The following ANO1 variants were observed in gnomAD, a reference collection of about 807,000 sequenced individuals.
ANO1 encodes anoctamin-1.
Under a neutral mutation model 124.0 loss-of-function variants are expected in ANO1, and 59 were observed. The ratio of observed to expected loss-of-function variants is 0.48; its 90% confidence interval spans 0.39 to 0.59. The LOEUF is 0.59. Among genes scored for constraint, ANO1 ranks in the 20% least tolerant of loss-of-function variants. ANO1 has a pLI of 0.00. For synonymous variants in ANO1, 529 were observed against 532.0 expected, an observed-to-expected ratio of 0.99 and a Z score of 0.08; for missense variants, 1,059 against 1,328.0, an observed-to-expected ratio of 0.80 and a Z score of 3.15.
At chr11:70,158,984 C>G (rs2047937611) in intron 16 of ANO1, among the ~76,000 whole-genome samples, 1 of 152,118 alleles carries the variant, frequency 6.6e-6, no homozygotes, top group Non-Finnish European at 1.5e-5. Flanking sequence ...CCCCATCCCT[C>G]ACCCAGGGGA....
At chr11:70,091,770 G>T (rs1204157447) in intron 2 of ANO1, among the ~76,000 whole-genome samples, 1 of 152,178 alleles carries the variant, frequency 6.6e-6, no homozygotes, top group Non-Finnish European at 1.5e-5. Flanking sequence ...TGTCACTCCT[G>T]GGCAAAGTGT....
chr11:69,972,695 G>A, the ANO1 span, among the ~76,000 whole-genome samples: 2 of 152,004 alleles, frequency 1.3e-5, no homozygotes, highest in African/African-American at 2.4e-5. Flanking sequence ...GAAGACTCAG[G>A]TCCTTACCCT....
At chr11:70,090,473 T>A (rs2044585471) in intron 2 of ANO1, among the ~76,000 whole-genome samples, 1 of 152,158 alleles carries the variant, frequency 6.6e-6, no homozygotes. Context: ...TTTCCCCATT[T>A]GTAAAATGGA....
chr11:69,972,062 A>AAAATAAATAAATAAAT, the ANO1 span, among the ~76,000 whole-genome samples: 1 of 149,320 alleles, frequency 6.7e-6, no homozygotes, highest in Non-Finnish European at 1.5e-5. Context: ...CTCTACTAAA[A>AAAATAAATAAATAAAT]AAATAAATAA....
intron 22 of ANO1, among the ~76,000 whole-genome samples, chr11:70,175,593 C>T (rs1171308770): frequency 2.0e-5 from 3 of 152,210 alleles, no homozygotes; most frequent in East Asian, 1.9e-4. Context: ...GCCCTGGTTT[C>T]GACTTCCTGT....
At chr11:70,088,669 G>T (rs973309035) in intron 2 of ANO1, among the ~76,000 whole-genome samples, 8 of 152,204 alleles carry the variant, frequency 5.3e-5, no homozygotes, top group Admixed American at 1.3e-4. Context: ...TCACAGCCAT[G>T]ACCTTCAGAG....
intron 1 of ANO1, among the ~76,000 whole-genome samples, chr11:70,051,019 A>G (rs7925636): frequency 0.086 from 13,031 of 152,254 alleles, 829 homozygotes; most frequent in African/African-American, 0.15. Context: ...TTTCAGAGCA[A>G]ACAGTTTTTA....
chr11:70,092,592 G>A (rs1252467104), intron 2 of ANO1, among the ~76,000 whole-genome samples: 1 of 152,206 alleles, frequency 6.6e-6, no homozygotes, highest in Non-Finnish European at 1.5e-5. Context: ...GCTGGTCTGG[G>A]GGACCCAGCA....
chr11:70,041,596 G>A (rs576500061), intron 1 of ANO1, among the ~76,000 whole-genome samples: 11 of 152,226 alleles, frequency 7.2e-5, no homozygotes, highest in African/African-American at 2.4e-4. Context: ...AACAACAGCA[G>A]CAACATAATA....
At chr11:69,987,645 C>T (rs1355071981) in intron 1 of ANO1, among the ~76,000 whole-genome samples, 3 of 147,424 alleles carry the variant, frequency 2.0e-5, no homozygotes, top group African/African-American at 7.6e-5. Flanking sequence ...AAGACTAGAA[C>T]CCAGGGTGTC....
intron 8 of ANO1, 40 bp downstream of exon 8, chr11:70,116,539 G>A (rs1165147442): frequency 2.6e-6 from 4 of 1,560,998 alleles, no homozygotes; most frequent in Non-Finnish European, 3.5e-6. Context: ...CTCTGTCAGA[G>A]CCTGGAGGCG....
At chr11:69,995,691 G>T (rs1856256250) in intron 1 of ANO1, among the ~76,000 whole-genome samples, 1 of 152,152 alleles carries the variant, frequency 6.6e-6, no homozygotes, top group Non-Finnish European at 1.5e-5. Flanking sequence ...GAGGTAAAGA[G>T]CCATTCTCAT....
chr11:70,181,388 C>T (rs1049621704), intron 23 of ANO1, among the ~76,000 whole-genome samples: 2 of 152,350 alleles, frequency 1.3e-5, no homozygotes, highest in East Asian at 1.9e-4. Context: ...TGCCCTTTCC[C>T]GGTGGGCAAC....
chr11:70,126,160 G>A lies in ANO1; in HGVS notation c.1062G>A (p.Leu354=), dbSNP rs1565226746. The A allele has an allele frequency of 6.2e-7, 1 of 1,613,552 alleles. No individual in the cohort carries two copies. Among genetic ancestry groups the A allele is most frequent in the Non-Finnish European group, 8.5e-7 (1 of 1,179,692 alleles). ...CCATCGTGGGAATCATTGTCTTCCT[G>A]TACGGATGCGCCACCATGGATGAAA... The part of the protein sequence containing the change: ...PASIVGIIVF[L]YGCATMDENI... The change falls in exon 10 of 26, where the codon CTG becomes CTA. Residue 354 remains leucine (L), a synonymous_variant. Transcript: ENST00000355303.
intron 11 of ANO1, among the ~76,000 whole-genome samples, chr11:70,148,345 A>C (rs1371843343): frequency 6.6e-6 from 1 of 152,114 alleles, no homozygotes; most frequent in Non-Finnish European, 1.5e-5. Context: ...TCACACTGAT[A>C]CTTCCTCACT....
intron 24 of ANO1, 99 bp downstream of exon 24, chr11:70,182,785 C>A: frequency 2.9e-5 from 31 of 1,060,012 alleles, no homozygotes; most frequent in South Asian, 2.2e-4. Flanking sequence ...AGTCATGAAA[C>A]AACGCAAACT....
intron 1 of ANO1, among the ~76,000 whole-genome samples, chr11:70,019,315 C>CA (rs1235142473): frequency 6.9e-6 from 1 of 145,780 alleles, no homozygotes; most frequent in Non-Finnish European, 1.5e-5. Flanking sequence ...ATGCCATGCA[C>CA]ATGCACACAC....
At chr11:70,093,036 C>T (rs1245574708) in intron 2 of ANO1, among the ~76,000 whole-genome samples, 2 of 150,504 alleles carry the variant, frequency 1.3e-5, no homozygotes, top group Non-Finnish European at 3.0e-5. Flanking sequence ...TCTCTCTGTC[C>T]TCCTCCTCAC....
chr11:70,134,117 A>G (rs1216326408), intron 11 of ANO1, among the ~76,000 whole-genome samples: 1 of 152,080 alleles, frequency 6.6e-6, no homozygotes, highest in Non-Finnish European at 1.5e-5. Flanking sequence ...CCCTCCACAG[A>G]GGCCTCAGCC....
Sources: allele counts gnomAD v4.1 joint callset (sites outside exome capture counted in the v4.1 genomes callset), GRCh38; gene constraint gnomAD v4.1.1; transcripts MANE v1.5; gene names NCBI Gene and HGNC (gene_info 2026-07-23, HGNC 2026-07-21).